Variants in ACTR3C observed in about 807,000 individuals in gnomAD.
The protein encoded by ACTR3C is actin-related protein 3C.
In ACTR3C, 18 loss-of-function variants were observed where a neutral mutation model predicts 26.3. The ratio of observed to expected loss-of-function variants is 0.68; its 90% CI spans 0.47 to 1.01. ACTR3C has a LOEUF of 1.01. Ranked by LOEUF, ACTR3C falls within the 50% of genes least tolerant of loss-of-function variation. ACTR3C has a pLI of 0.00. For missense variants in ACTR3C, 184 were observed against 250.7 expected (o/e 0.73, Z 1.80); for synonymous variants, 55 against 94.5 (o/e 0.58, Z 2.42).
At chr7:150,035,958 C>T in the ACTR3C span, among the ~76,000 whole-genome samples, 5 of 66,400 alleles carry the variant, frequency 7.5e-5, no homozygotes, top group African/African-American at 2.1e-4. Flanking sequence ...AGAGCCAGGG[C>T]GGGAAGAGGG....
chr7:150,313,363 T>C (rs1051345819), intron 1 of ACTR3C, among the ~76,000 whole-genome samples: 3 of 152,172 alleles, frequency 2.0e-5, no homozygotes, highest in African/African-American at 7.2e-5. Flanking sequence ...AAGTTTCTCA[T>C]TGGCAATCGG....
At chr7:149,970,667 A>G in the ACTR3C span, among the ~76,000 whole-genome samples, 4 of 152,186 alleles carry the variant, frequency 2.6e-5, no homozygotes, top group Admixed American at 2.0e-4. Flanking sequence ...TCACAATCAC[A>G]CATTTAACCA....
chr7:150,035,261 TGG>T, the ACTR3C span, among the ~76,000 whole-genome samples: 1 of 76,020 alleles, frequency 1.3e-5, no homozygotes, highest in African/African-American at 4.5e-5. Flanking sequence ...AACCAGGGGC[TGG>T]CTCTCAGTCC....
the ACTR3C span, among the ~76,000 whole-genome samples, chr7:149,973,640 C>CAA: frequency 6.6e-6 from 1 of 151,912 alleles, no homozygotes; most frequent in African/African-American, 2.4e-5. Context: ...ATTGGTCAAA[C>CAA]ACAAAAGTCT....
chr7:150,278,378 G>A lies in ACTR3C; in HGVS notation c.564+6375C>T, dbSNP rs544035235. Among the ~76,000 whole-genome samples the A allele has an allele frequency of 1.1e-4, 16 of 152,328 alleles. No individual in the cohort carries two copies. The South Asian group carries it at 3.3e-3, about 32-fold the overall frequency. On this transcript the variant is annotated intron_variant, in intron 6 of 7. Transcript: ENST00000683684. ...CCAGTCACATTTCAGGGGCTCAGTG[G>A]CCACCCTGGGCAGCACAGAGACAGA... is the stretch of plus-strand genomic sequence containing the variant.
the ACTR3C span, among the ~76,000 whole-genome samples, chr7:150,149,016 G>A: frequency 1.4e-5 from 2 of 145,270 alleles, no homozygotes; most frequent in African/African-American, 5.1e-5. Flanking sequence ...CACCGTGATG[G>A]GCATAAAACG....
At chr7:150,290,177 C>T (rs59955001) in intron 3 of ACTR3C, among the ~76,000 whole-genome samples, 5,556 of 152,018 alleles carry the variant, frequency 0.037, 315 homozygotes, top group African/African-American at 0.13. Flanking sequence ...CTGCGTGTGT[C>T]GAGCACACAG....
chr7:150,139,566 T>C, the ACTR3C span, among the ~76,000 whole-genome samples: 5 of 152,416 alleles, frequency 3.3e-5, no homozygotes, highest in African/African-American at 9.6e-5. Flanking sequence ...TCCTCTCACC[T>C]TCCCGGATCA....
At chr7:150,066,690 C>A in the ACTR3C span, among the ~76,000 whole-genome samples, 1 of 152,164 alleles carries the variant, frequency 6.6e-6, no homozygotes, top group South Asian at 2.1e-4. Flanking sequence ...AGCCTTCCAC[C>A]AATGTCACCA....
the ACTR3C span, among the ~76,000 whole-genome samples, chr7:150,191,932 C>T: frequency 2.6e-5 from 4 of 152,190 alleles, no homozygotes; most frequent in South Asian, 2.1e-4. Context: ...TTGTCTATCA[C>T]GAGTGGATAT....
At chr7:150,213,880 A>G in the ACTR3C span, among the ~76,000 whole-genome samples, 2 of 144,010 alleles carry the variant, frequency 1.4e-5, no homozygotes, top group Non-Finnish European at 3.0e-5. Context: ...GAAAATAAAA[A>G]AGAGACTGAG....
At chr7:150,224,451 T>C in the ACTR3C span, among the ~76,000 whole-genome samples, 1 of 152,222 alleles carries the variant, frequency 6.6e-6, no homozygotes, top group Non-Finnish European at 1.5e-5. Flanking sequence ...CTTTCCTCCA[T>C]GTTTAGATAT....
At chr7:150,195,131 A>G in the ACTR3C span, among the ~76,000 whole-genome samples, 7,400 of 148,296 alleles carry the variant, frequency 0.05, 292 homozygotes, top group African/African-American at 0.098. Context: ...ATGTATATAT[A>G]TATATATACT....
the ACTR3C span, among the ~76,000 whole-genome samples, chr7:150,092,145 A>G: frequency 6.8e-6 from 1 of 147,348 alleles, no homozygotes; most frequent in Non-Finnish European, 1.5e-5. Context: ...CTACTTCTAC[A>G]TAGAAATGTG....
the ACTR3C span, among the ~76,000 whole-genome samples, chr7:149,991,802 C>G: frequency 6.6e-6 from 1 of 152,224 alleles, no homozygotes; most frequent in Non-Finnish European, 1.5e-5. Flanking sequence ...GCAATCATGG[C>G]TCAGTGCAGC....
the ACTR3C span, among the ~76,000 whole-genome samples, chr7:150,232,347 C>T: frequency 1.3e-5 from 2 of 152,080 alleles, no homozygotes; most frequent in African/African-American, 2.4e-5. Context: ...TTCTTTACAC[C>T]GTTTAGATTT....
the ACTR3C span, among the ~76,000 whole-genome samples, chr7:150,209,248 CAGAGAG>C: frequency 1.4e-5 from 2 of 137,954 alleles, no homozygotes; most frequent in Non-Finnish European, 3.1e-5. Context: ...CAGAGAGAGA[CAGAGAG>C]AGAGACAGAA....
At chr7:150,143,684 G>A in the ACTR3C span, among the ~76,000 whole-genome samples, 1 of 152,184 alleles carries the variant, frequency 6.6e-6, no homozygotes, top group African/African-American at 2.4e-5. Context: ...AGGCTGCCGG[G>A]GACTGGGGAA....
At chr7:150,129,761 C>T in the ACTR3C span, among the ~76,000 whole-genome samples, 18 of 152,126 alleles carry the variant, frequency 1.2e-4, no homozygotes, top group South Asian at 6.2e-4. Flanking sequence ...GCCAATTCTC[C>T]GAAAATTGAT....
Sources: gnomAD v4.1 joint callset for allele counts (sites outside exome capture counted in the v4.1 genomes callset) on GRCh38, gnomAD v4.1.1 for gene constraint, MANE v1.5 for transcripts, NCBI Gene and HGNC (gene_info 2026-07-23, HGNC 2026-07-21) for gene names.